CNTN1: variants seen among roughly 807,000 people sequenced by gnomAD.
The protein encoded by CNTN1 is contactin-1.
A neutral mutation model predicts 126.4 loss-of-function variants in CNTN1; 38 were observed. That is an observed-to-expected ratio of 0.30 (90% confidence interval 0.23 to 0.39). The LOEUF (loss-of-function observed/expected upper bound fraction) is 0.39, where lower values mean the gene tolerates loss of function less well. Among genes scored for constraint, CNTN1 ranks in the 10% least tolerant of loss-of-function variants. The pLI, the probability that CNTN1 is intolerant of heterozygous loss-of-function variation, is 1.00. For synonymous variants in CNTN1, 413 were observed against 422.6 expected (o/e 0.98, Z 0.28); for missense variants, 1,009 against 1,248.4 (o/e 0.81, Z 2.89).
chr12:40,737,843 A>G (rs1435259888), intron 1 of CNTN1, among the ~76,000 whole-genome samples: 1 of 152,088 alleles, frequency 6.6e-6, no homozygotes, highest in Non-Finnish European at 1.5e-5. Flanking sequence ...ACTTGAAACA[A>G]AGATCAAAAT....
At chr12:40,961,750 GA>G (rs1248895372) in intron 15 of CNTN1, among the ~76,000 whole-genome samples, 1 of 151,988 alleles carries the variant, frequency 6.6e-6, no homozygotes, top group Non-Finnish European at 1.5e-5. Flanking sequence ...ATAAATTGAA[GA>G]GATGATTATT....
intron 1 of CNTN1, among the ~76,000 whole-genome samples, chr12:40,797,176 C>A (rs1271180239): frequency 6.6e-6 from 1 of 151,968 alleles, no homozygotes; most frequent in Non-Finnish European, 1.5e-5. Context: ...CAAATGTGAT[C>A]CCAGACATCA....
chr12:40,778,335 A>G (rs1939667522), intron 1 of CNTN1, among the ~76,000 whole-genome samples: 1 of 151,906 alleles, frequency 6.6e-6, no homozygotes, highest in Non-Finnish European at 1.5e-5. Flanking sequence ...ATTGGAACAT[A>G]GCCACATGCA....
At chr12:40,879,891 G>A (rs1022740821) in intron 1 of CNTN1, among the ~76,000 whole-genome samples, 1 of 151,960 alleles carries the variant, frequency 6.6e-6, no homozygotes, top group Non-Finnish European at 1.5e-5. Flanking sequence ...GAAAAAATAG[G>A]TAACTCATTA....
chr12:40,960,688 C>G (rs991504960), intron 15 of CNTN1, among the ~76,000 whole-genome samples: 1 of 152,062 alleles, frequency 6.6e-6, no homozygotes, highest in African/African-American at 2.4e-5. Flanking sequence ...AATCCTAAGT[C>G]AAACAAAATT....
At chr12:40,801,474 G>A (rs573553171) in intron 1 of CNTN1, among the ~76,000 whole-genome samples, 5 of 152,044 alleles carry the variant, frequency 3.3e-5, no homozygotes, top group African/African-American at 9.6e-5. Flanking sequence ...ATAGAGATAA[G>A]GTAGAATTTT....
chr12:40,927,779 A>C (rs1056019088), intron 6 of CNTN1, among the ~76,000 whole-genome samples: 1 of 152,154 alleles, frequency 6.6e-6, no homozygotes, highest in Admixed American at 6.6e-5. Flanking sequence ...TACATCGGGC[A>C]TTCAGTCAGT....
At chr12:40,810,005 A>G (rs1033717057) in intron 1 of CNTN1, among the ~76,000 whole-genome samples, 7 of 152,164 alleles carry the variant, frequency 4.6e-5, no homozygotes, top group African/African-American at 1.7e-4. Flanking sequence ...ATCAGTGTGC[A>G]TTATTAGTGT....
In CNTN1 at chr12:40,924,566, C is replaced by T. The variant is rs184703177; in HGVS notation, c.410C>T (p.Pro137Leu). ...EATLSFGYLD[P>L]FPPEERPEVR... ...TTTCTTTCGTAATTAGATCTTGATCCTTTCCCACCTGAGGAACGTCCTGAG... is the reference window on the plus strand; with the variant it reads ...TTTCTTTCGTAATTAGATCTTGATCTTTTCCCACCTGAGGAACGTCCTGAG... Residue 137 changes from proline (P) to leucine (L), a missense_variant, in exon 6 of 24, where the codon CCT becomes CTT. Physicochemically the swap from Pro to Leu is moderately conservative, Grantham distance 98 (BLOSUM62 -3). Transcript: ENST00000551295. The T allele has an allele frequency of 1.1e-4, 170 of 1,577,522 alleles. No individual in the cohort carries two copies. The highest frequency in any genetic ancestry group is 1.3e-4 in the Non-Finnish European group (153 of 1,147,922).
chr12:40,967,172 AAAT>A (rs1394969859), intron 15 of CNTN1, among the ~76,000 whole-genome samples: 1 of 151,812 alleles, frequency 6.6e-6, no homozygotes, highest in Non-Finnish European at 1.5e-5. Context: ...ATCTCATCTC[AAAT>A]AATAATAATT....
chr12:41,041,012 T>G, intron 23 of CNTN1, among the ~76,000 whole-genome samples: 1 of 142,592 alleles, frequency 7.0e-6, no homozygotes, highest in Non-Finnish European at 1.5e-5. Flanking sequence ...AGGGAATGCT[T>G]CCAGTTTTTG....
chr12:40,735,224 A>G (rs1284324420), intron 1 of CNTN1, among the ~76,000 whole-genome samples: 1 of 152,128 alleles, frequency 6.6e-6, no homozygotes. Context: ...AAAGCTATGT[A>G]TACTTTCTTA....
chr12:40,692,903 G>A (rs1265698583), intron 1 of CNTN1, among the ~76,000 whole-genome samples: 1 of 152,172 alleles, frequency 6.6e-6, no homozygotes, highest in Non-Finnish European at 1.5e-5. Context: ...CCAGCGCCGG[G>A]AACTCGCCCC....
chr12:40,722,730 A>G (rs1942249629), intron 1 of CNTN1, among the ~76,000 whole-genome samples: 1 of 152,136 alleles, frequency 6.6e-6, no homozygotes, highest in South Asian at 2.1e-4. Context: ...AATGTAAAAT[A>G]TTTCAGAGAG....
chr12:40,828,199 G>T (rs1035394643), intron 1 of CNTN1: 1 of 152,192 alleles, frequency 6.6e-6, no homozygotes, highest in African/African-American at 2.4e-5. Context: ...GCTTTCTGCT[G>T]CAGGAGAGAG....
At chr12:40,767,674 C>T (rs1054599748) in intron 1 of CNTN1, among the ~76,000 whole-genome samples, 1 of 151,626 alleles carries the variant, frequency 6.6e-6, no homozygotes, top group Non-Finnish European at 1.5e-5. Context: ...TGCTCTGTCG[C>T]CCAGGCTGGA....
rs562569402 is a variant in CNTN1, at chr12:41,011,604, A to G, written c.2114-2624A>G. Among the ~76,000 whole-genome samples, 21 of 152,300 alleles carry G rather than the reference A, an allele frequency of 1.4e-4. 1 individual carries two copies. The South Asian group carries it at 4.4e-3, about 32-fold the overall frequency. On this transcript the variant is annotated intron_variant, in intron 17 of 23. Transcript: ENST00000551295. ...CTTCCCCAGCCATGGAACCAGAGGAACTAAGTGGTGGGTTTTAGTCACCCT... is the reference window on the plus strand; with the variant it reads ...CTTCCCCAGCCATGGAACCAGAGGAGCTAAGTGGTGGGTTTTAGTCACCCT...
chr12:41,010,323 G>C (rs1386744781), intron 17 of CNTN1, among the ~76,000 whole-genome samples: 1 of 152,214 alleles, frequency 6.6e-6, no homozygotes, highest in East Asian at 1.9e-4. Flanking sequence ...CCACAGGCTA[G>C]ACAAGGTTAA....
intron 17 of CNTN1, among the ~76,000 whole-genome samples, chr12:41,011,911 A>G (rs927135979): frequency 3.3e-5 from 5 of 152,168 alleles, no homozygotes; most frequent in Non-Finnish European, 7.4e-5. Flanking sequence ...TAGGGACCAA[A>G]TGGCCATTTT....
Sources: allele counts gnomAD v4.1 joint callset (sites outside exome capture counted in the v4.1 genomes callset), GRCh38; gene constraint gnomAD v4.1.1; transcripts MANE v1.5; gene names NCBI Gene and HGNC (gene_info 2026-07-23, HGNC 2026-07-21).